Variants in FZD3 observed in about 807,000 individuals in gnomAD.
FZD3 encodes frizzled class receptor 3.
Under a neutral mutation model 60.7 loss-of-function variants are expected in FZD3, and 30 were observed. The observed-to-expected ratio is 0.49, with a 90% CI of 0.37 to 0.67. The LOEUF is 0.67. FZD3 is among the 30% of genes least tolerant of loss of function. FZD3 has a pLI of 0.00. For missense variants in FZD3, 605 were observed against 838.7 expected (o/e 0.72, Z 3.44); for synonymous variants, 246 against 275.2 (o/e 0.89, Z 1.05).
At chr8:28,513,469 A>G (rs1307628276) in intron 3 of FZD3, among the ~76,000 whole-genome samples, 1 of 152,206 alleles carries the variant, frequency 6.6e-6, no homozygotes, top group Non-Finnish European at 1.5e-5. Flanking sequence ...ATCACAGAAC[A>G]TTTTTAAAAA....
chr8:28,534,804 A>G (rs1277193148), intron 5 of FZD3, among the ~76,000 whole-genome samples: 1 of 152,208 alleles, frequency 6.6e-6, no homozygotes, highest in Non-Finnish European at 1.5e-5. Flanking sequence ...AGACTTCTGA[A>G]TTAAGCACCA....
At chr8:28,533,375 T>C (rs1804928946) in intron 5 of FZD3, among the ~76,000 whole-genome samples, 1 of 152,196 alleles carries the variant, frequency 6.6e-6, no homozygotes, top group South Asian at 2.1e-4. Context: ...TTGTCTTATT[T>C]CATCCCTACT....
intron 5 of FZD3, among the ~76,000 whole-genome samples, chr8:28,537,714 G>GGTTGGT (rs1274295696): frequency 6.6e-6 from 1 of 152,180 alleles, no homozygotes; most frequent in Non-Finnish European, 1.5e-5. Flanking sequence ...TTATAACAGT[G>GGTTGGT]GTTGGTGACC....
At chr8:28,544,381 G>A in intron 5 of FZD3, among the ~76,000 whole-genome samples, 1 of 151,978 alleles carries the variant, frequency 6.6e-6, no homozygotes, top group East Asian at 1.9e-4. Context: ...GAAATTTATT[G>A]TGTTTTCTAT....
intron 2 of FZD3, among the ~76,000 whole-genome samples, chr8:28,500,285 T>A (rs1803954779): frequency 6.6e-6 from 1 of 152,182 alleles, no homozygotes; most frequent in African/African-American, 2.4e-5. Flanking sequence ...AGCACTTTTA[T>A]AAGAAGGTAG....
intron 5 of FZD3, among the ~76,000 whole-genome samples, chr8:28,548,594 GTTAC>G (rs575422066): frequency 3.9e-5 from 6 of 152,194 alleles, no homozygotes; most frequent in African/African-American, 1.2e-4. Flanking sequence ...GATTTGAAAT[GTTAC>G]TTACTTAAAT....
chr8:28,549,606 A>T, intron 5 of FZD3, among the ~76,000 whole-genome samples: 1 of 152,090 alleles, frequency 6.6e-6, no homozygotes, highest in East Asian at 1.9e-4. Context: ...GGTTAAACTA[A>T]GAGTGGTGGC....
chr8:28,568,494 C>T lies in FZD3; in HGVS notation c.*5483C>T, dbSNP rs1805744883. On this transcript the variant is annotated 3_prime_UTR_variant, in exon 8 of 8. Transcript: ENST00000240093. ...CTTAATCCTGTGCTTCTTTAGTCATCAAATTGATATAGGATTACAATTTTC... is the reference window on the plus strand; with the variant it reads ...CTTAATCCTGTGCTTCTTTAGTCATTAAATTGATATAGGATTACAATTTTC... 1 of 151,980 alleles carries T rather than the reference C, an allele frequency of 6.6e-6. No individual in the cohort carries two copies. The highest frequency in any genetic ancestry group is 2.1e-4 in the South Asian group (1 of 4,824). The allele number at this position is 151,980 out of a possible 1,614,324, so 9.4% of individuals were successfully genotyped here.
At chr8:28,508,751 T>A (rs1804208579) in intron 3 of FZD3, among the ~76,000 whole-genome samples, 1 of 152,090 alleles carries the variant, frequency 6.6e-6, no homozygotes, top group South Asian at 2.1e-4. Context: ...TCTCAAACTT[T>A]TGTTCTCAAG....
chr8:28,570,973 C>G lies in FZD3; in HGVS notation c.*7962C>G, dbSNP rs1383347724. On this transcript the variant is annotated 3_prime_UTR_variant, in exon 8 of 8. Coordinates refer to ENST00000240093, the MANE Select transcript of FZD3 (RefSeq NM_017412.4). The stretch of plus-strand genomic sequence containing the variant: ...GGCTTTCAGAAATTATATTAGATGC[C>G]CAGCCTTTCTCATTCAGAGATGCCT... 1.3e-5 allele frequency: 2 copies of G among 150,358 alleles called. No homozygotes were observed. The highest frequency in any genetic ancestry group is 2.4e-5 in the African/African-American group (1 of 40,956). The allele number at this position is 150,358 out of a possible 1,614,324, so 9.3% of individuals were successfully genotyped here.
chr8:28,504,107 T>G (rs978626510), intron 3 of FZD3, among the ~76,000 whole-genome samples: 2 of 152,228 alleles, frequency 1.3e-5, no homozygotes, highest in African/African-American at 4.8e-5. Context: ...TTTGGAATTC[T>G]TCATTTTATA....
rs1176975513 is a variant in FZD3 at position 28,571,366 on chromosome 8, A to G, written c.*8355A>G. 4 of 152,222 alleles carry G rather than the reference A, an allele frequency of 2.6e-5. No individual in the cohort carries two copies. In the South Asian group the frequency reaches 6.2e-4, roughly 24 times the overall value. The allele number at this position is 152,222 out of a possible 1,614,324, so 9.4% of individuals were successfully genotyped here. ...GAAATAATTCTGTATTTCTGAGACA[A>G]GATCAACACAGTAGTTCTTTACATT... On this transcript the variant is annotated 3_prime_UTR_variant, in exon 8 of 8. Transcript: ENST00000240093.
chr8:28,543,476 G>A (rs937640438), intron 5 of FZD3, among the ~76,000 whole-genome samples: 1 of 152,076 alleles, frequency 6.6e-6, no homozygotes, highest in African/African-American at 2.4e-5. Flanking sequence ...TGCCTCCCAG[G>A]TTCAAACAGT....
At chr8:28,498,928 AT>A (rs1213274809) in intron 1 of FZD3, among the ~76,000 whole-genome samples, 2 of 152,148 alleles carry the variant, frequency 1.3e-5, no homozygotes, top group East Asian at 1.9e-4. Context: ...TGGTTATCTG[AT>A]TTTTTTAGTA....
chr8:28,494,313 C>A lies in FZD3; in HGVS notation c.-421C>A, dbSNP rs953252903. ...CCCGCGGCAGGCGGTGCAGCCCCCC[C>A]ACCCCTTGGAGCCAGGCGCCGGGGT... On this transcript the variant is annotated 5_prime_UTR_variant, in exon 1 of 8. Transcript: ENST00000240093. The A allele has an allele frequency of 2.6e-5, 4 of 151,796 alleles. No homozygotes were observed. Among genetic ancestry groups the A allele is most frequent in the African/African-American group, 9.7e-5 (4 of 41,330 alleles). The allele number at this position is 151,796 out of a possible 1,614,324, so 9.4% of individuals were successfully genotyped here.
At position 28,536,081 on chromosome 8, in the gene FZD3, C is replaced by A. The variant is rs79358158; in HGVS notation, c.1404+7917C>A. ...TAAATGAGAAATATAAACCTCTTACCGGAGTGCTTTGCACAAAGTAAAATT... is the reference window on the plus strand; with the variant it reads ...TAAATGAGAAATATAAACCTCTTACAGGAGTGCTTTGCACAAAGTAAAATT... On this transcript the variant is annotated intron_variant, in intron 5 of 7. Coordinates refer to ENST00000240093, the MANE Select transcript of FZD3 (RefSeq NM_017412.4). 1.4e-3 allele frequency among the ~76,000 whole-genome samples: 220 copies of A among 152,226 alleles called. 1 individual carries two copies. The East Asian group carries it at 0.015, about 11-fold the overall frequency.
At chr8:28,540,041 T>C (rs1215715357) in intron 5 of FZD3, among the ~76,000 whole-genome samples, 2 of 152,144 alleles carry the variant, frequency 1.3e-5, no homozygotes, top group Non-Finnish European at 2.9e-5. Context: ...ATTGCAACTC[T>C]GTAGATTAAA....
At chr8:28,555,215 G>A (rs904472345) in intron 6 of FZD3, among the ~76,000 whole-genome samples, 1 of 151,996 alleles carries the variant, frequency 6.6e-6, no homozygotes. Flanking sequence ...AAATTAACTC[G>A]TAGACTAAAA....
chr8:28,516,025 T>C (rs1028353709), intron 3 of FZD3, among the ~76,000 whole-genome samples: 2 of 152,254 alleles, frequency 1.3e-5, no homozygotes. Flanking sequence ...TCTATGAGTT[T>C]CATAGATTAT....
Sources: gnomAD v4.1 joint callset for allele counts (sites outside exome capture counted in the v4.1 genomes callset) on GRCh38, gnomAD v4.1.1 for gene constraint, MANE v1.5 for transcripts, NCBI Gene and HGNC (gene_info 2026-07-23, HGNC 2026-07-21) for gene names.